Variants in LPIN1 observed in about 807,000 individuals in gnomAD.
LPIN1 encodes the protein phosphatidate phosphatase LPIN1.
In LPIN1, 71 loss-of-function variants were observed where a neutral mutation model predicts 107.5. The ratio of observed to expected loss-of-function variants is 0.66; its 90% CI spans 0.55 to 0.80. The LOEUF (loss-of-function observed/expected upper bound fraction) is 0.80, where lower values mean the gene tolerates loss of function less well. Ranked by LOEUF, LPIN1 falls within the 30% of genes least tolerant of loss-of-function variation. The probability of loss-of-function intolerance (pLI) is 0.00; values close to 1 mark genes in which losing one functional copy is unlikely to be tolerated. For synonymous variants in LPIN1, 445 were observed against 452.6 expected (o/e 0.98, Z 0.21); for missense variants, 1,043 against 1,160.6 (o/e 0.90, Z 1.47).
chr2:11,706,721 TG>T (rs1265676805), intron 1 of LPIN1, among the ~76,000 whole-genome samples: 2 of 152,202 alleles, frequency 1.3e-5, no homozygotes, highest in Non-Finnish European at 2.9e-5. Context: ...CATGATAATC[TG>T]GGGAACTCCC....
At chr2:11,823,417 G>A (rs1035273559) in intron 20 of LPIN1, among the ~76,000 whole-genome samples, 1 of 152,194 alleles carries the variant, frequency 6.6e-6, no homozygotes, top group East Asian at 1.9e-4. Flanking sequence ...TGAATCCCAA[G>A]GAAAGACATA....
chr2:11,783,487 A>G (rs1007027115), intron 8 of LPIN1, among the ~76,000 whole-genome samples: 12 of 152,208 alleles, frequency 7.9e-5, no homozygotes, highest in African/African-American at 2.4e-4. Context: ...CCATTTTCCA[A>G]TGGGAAAAGC....
At chr2:11,790,294 G>A (rs1017114108) in intron 12 of LPIN1, among the ~76,000 whole-genome samples, 2 of 152,222 alleles carry the variant, frequency 1.3e-5, no homozygotes, top group African/African-American at 2.4e-5. Flanking sequence ...GAGGTTGGCA[G>A]TTTCAGGCTT....
In LPIN1 at chr2:11,678,965, G is replaced by T. The variant is rs1447383418; in HGVS notation, c.81+1237G>T. On this transcript the variant is annotated intron_variant, in intron 1 of 21. Transcript: ENST00000449576. ...TAGACCATTTTTGTGGTTAGTCAGG[G>T]ATTATAATGGCTTTGTCTTGTTTCC... 2.0e-5 allele frequency among the ~76,000 whole-genome samples: 3 copies of T among 152,228 alleles called. No individual in the cohort carries two copies. In the South Asian group the frequency reaches 6.2e-4, roughly 32 times the overall value.
intron 14 of LPIN1, among the ~76,000 whole-genome samples, chr2:11,801,978 C>CT (rs1558265770): frequency 6.6e-6 from 1 of 152,106 alleles, no homozygotes; most frequent in African/African-American, 2.4e-5. Flanking sequence ...TGTGTATACT[C>CT]TAACCTTGCC....
intron 1 of LPIN1, among the ~76,000 whole-genome samples, chr2:11,712,901 G>C (rs978887681): frequency 1.3e-5 from 2 of 152,188 alleles, no homozygotes; most frequent in Non-Finnish European, 2.9e-5. Flanking sequence ...CTAGGATAAC[G>C]CCATGCCAAC....
chr2:11,802,960 C>G lies in LPIN1; in HGVS notation c.1940C>G (p.Ser647Ter), dbSNP rs549344167. The change falls in exon 15 of 21, where the codon TCA (serine) becomes TGA (stop). Residue 647 changes from serine to a stop codon, truncating the protein, a stop_gained. Transcript: ENST00000674199. LOFTEE classifies it high-confidence loss of function. The part of the protein sequence containing the change: ...SDEERAAAKP[S>*]NAGHLPLLPN... ...GAGGAGCGCGCAGCTGCCAAGCCATCAAACGCAGGCCACCTCCCTCTTCTG... is the reference window on the plus strand; with the variant it reads ...GAGGAGCGCGCAGCTGCCAAGCCATGAAACGCAGGCCACCTCCCTCTTCTG... The G allele has an allele frequency of 1.2e-6, 2 of 1,613,458 alleles. No homozygotes were observed. Among genetic ancestry groups the G allele is most frequent in the Admixed American group, 3.3e-5 (2 of 60,032 alleles).
rs1674599783 is a variant in LPIN1, at chr2:11,786,478, C to T, written c.1550-596C>T. The stretch of plus-strand genomic sequence containing the variant: ...TGAGGTCTGGGCCTCCTGACCCTGC[C>T]ACCTTCTCCTTTGCTCTGATCCTGG... On this transcript the variant is annotated intron_variant, in intron 10 of 20. Coordinates refer to ENST00000674199, the MANE Select transcript of LPIN1 (RefSeq NM_001349206.2). This position sits in a 1 kb window ranked among gnomAD's most constrained non-coding sequence, Gnocchi z 4.1. Among the ~76,000 whole-genome samples the T allele has an allele frequency of 6.6e-6, 1 of 152,102 alleles. No homozygotes were observed. The highest frequency in any genetic ancestry group is 2.1e-4 in the South Asian group (1 of 4,822).
rs747646486 is a variant in LPIN1, at chr2:11,771,618, G to A, written c.535G>A (p.Glu179Lys). ...TGACAACATGAACACATCTGAGGAT[G>A]AGGACATGTTCCCCATCGAGATGAG... ...RDDNMNTSED[E>K]DMFPIEMSSD... Residue 179 changes from glutamate (E) to lysine (K), a missense_variant, in exon 4 of 21, where the codon GAG becomes AAG. Glu to Lys is a moderately conservative substitution (Grantham distance 56). Transcript: ENST00000674199. This position sits in a 1 kb window ranked among gnomAD's most constrained non-coding sequence, Gnocchi z 4.8. 7.5e-6 allele frequency: 12 copies of A among 1,609,462 alleles called. No individual in the cohort carries two copies. The South Asian group carries it at 1.3e-4, about 18-fold the overall frequency.
At chr2:11,818,655 TTTTA>T (rs1681003702) in intron 18 of LPIN1, 1 of 151,852 alleles carries the variant, frequency 6.6e-6, no homozygotes, top group African/African-American at 2.4e-5. Context: ...TATGTATAAC[TTTTA>T]TTTATTTTTC....
At chr2:11,719,122 A>C (rs1663949940) in intron 2 of LPIN1, among the ~76,000 whole-genome samples, 1 of 152,236 alleles carries the variant, frequency 6.6e-6, no homozygotes, top group Non-Finnish European at 1.5e-5. Flanking sequence ...TGAATGAAAT[A>C]GCAACCCAAA....
chr2:11,720,577 AG>A (rs1664057769), upstream of LPIN1, among the ~76,000 whole-genome samples: 1 of 152,140 alleles, frequency 6.6e-6, no homozygotes, highest in Non-Finnish European at 1.5e-5. Flanking sequence ...CAGGTGAAGA[AG>A]GGGGAAGATC....
intron 1 of LPIN1, among the ~76,000 whole-genome samples, chr2:11,701,627 A>G (rs1322858025): frequency 6.6e-6 from 1 of 152,282 alleles, no homozygotes; most frequent in African/African-American, 2.4e-5. Flanking sequence ...TTCTATACTA[A>G]GTACTTTACC....
chr2:11,711,415 G>C (rs1458550180), intron 1 of LPIN1, among the ~76,000 whole-genome samples: 1 of 152,136 alleles, frequency 6.6e-6, no homozygotes. Context: ...CCCCAGCAAG[G>C]ATCCAGATTG....
At chr2:11,752,764 A>G (rs1461065860) in intron 1 of LPIN1, among the ~76,000 whole-genome samples, 4 of 152,100 alleles carry the variant, frequency 2.6e-5, no homozygotes, top group Non-Finnish European at 4.4e-5. Flanking sequence ...TTAATCTTCT[A>G]GAGGTGGCTG....
At position 11,765,823 on chromosome 2, in the gene LPIN1, A is replaced by T; in HGVS notation, c.192+90A>T. 8.4e-7 allele frequency: 1 copy of T among 1,193,038 alleles called. No individual in the cohort carries two copies. Among genetic ancestry groups the T allele is most frequent in the Non-Finnish European group, 1.2e-6 (1 of 848,436 alleles). The allele number at this position is 1,193,038 out of a possible 1,614,324, so 73.9% of individuals were successfully genotyped here. A position where few individuals can be genotyped will look rare whatever the true frequency, so the allele number is the denominator to read the frequency against. ...GATGCCACCTGTCTTGAACTCTCAG[A>T]CCCAGAGTTTTAGGTCTTCGTTGGA... On this transcript the variant is annotated intron_variant, in intron 2 of 20. Coordinates refer to ENST00000674199, the MANE Select transcript of LPIN1 (RefSeq NM_001349206.2). This position sits in a 1 kb window ranked among gnomAD's most constrained non-coding sequence, Gnocchi z 4.4.
In LPIN1 at chr2:11,824,754, CT is replaced by C; in HGVS notation, c.2748del (p.Phe916LeufsTer32). ...NFTFWREPLP[P>X]FENQDIHSAS... ...ACCTTTTGGAGAGAGCCACTGCCAC[CT>C]TTTGAAAACCAGGACATTCATTCTG... On this transcript the variant is annotated frameshift_variant, in exon 21 of 21. Transcript: ENST00000674199. LOFTEE classifies it high-confidence loss of function. 6.2e-7 allele frequency: 1 copy of C among 1,614,218 alleles called. No individual in the cohort carries two copies. The highest frequency in any genetic ancestry group is 8.5e-7 in the Non-Finnish European group (1 of 1,180,046).
In LPIN1 at chr2:11,779,535, C is replaced by T; in HGVS notation, c.847C>T (p.Pro283Ser). ...HPSESPSGSR[P>S]STPKSDSELV... ...TTCCTTAAGTCCTTCCGGTTCCCGA[C>T]CTTCAACACCTAAAAGTGATTCAGA... is the stretch of plus-strand genomic sequence containing the variant. Residue 283 changes from proline to serine, a missense_variant, in exon 7 of 21, where the codon CCT (proline) becomes TCT (serine). Transcript: ENST00000674199. 1 of 1,613,822 alleles carries T rather than the reference C, an allele frequency of 6.2e-7. No individual in the cohort carries two copies. The highest frequency in any genetic ancestry group is 8.5e-7 in the Non-Finnish European group (1 of 1,179,982).
Position 11,825,312 on chromosome 2 carries a change from G to T in LPIN1, c.*521G>T. On this transcript the variant is annotated 3_prime_UTR_variant, in exon 21 of 21. Transcript: ENST00000674199. The surrounding 1 kb of genome is among the most constrained non-coding windows in gnomAD (Gnocchi z 4.1). ...CATGTGACCTGGATCTGAGGTCTCT[G>T]ATAGAAATCTGGACGCCACCGGGTC... 6.2e-6 allele frequency: 1 copy of T among 162,480 alleles called. No homozygotes were observed. The highest frequency in any genetic ancestry group is 1.4e-5 in the Non-Finnish European group (1 of 73,818). The allele number at this position is 162,480 out of a possible 1,614,324, so 10.1% of individuals were successfully genotyped here.
Sources: gnomAD v4.1 joint callset for allele counts (sites outside exome capture counted in the v4.1 genomes callset) on GRCh38, gnomAD v4.1.1 for gene constraint, Gnocchi (gnomAD v3.1) non-coding constraint, MANE v1.5 for transcripts, NCBI Gene and HGNC (gene_info 2026-07-23, HGNC 2026-07-21) for gene names.